Variants in ZNF385D observed in about 807,000 individuals in gnomAD.
ZNF385D encodes zinc finger protein 385D.
ZNF385D carries 15 observed loss-of-function variants against 35.8 expected under a neutral mutation model. That is an observed-to-expected ratio of 0.42 (90% CI 0.28 to 0.64). The LOEUF (loss-of-function observed/expected upper bound fraction) is 0.64, where lower values mean the gene tolerates loss of function less well. ZNF385D is among the 30% of genes least tolerant of loss of function. ZNF385D has a pLI of 0.23. For synonymous variants in ZNF385D, 212 were observed against 186.8 expected, an observed-to-expected ratio of 1.13 and a Z score of -1.10; for missense variants, 474 against 494.6, an observed-to-expected ratio of 0.96 and a Z score of 0.39.
At chr3:22,036,301 T>C (rs1474937961) in intron 3 of ZNF385D, among the ~76,000 whole-genome samples, 1 of 152,152 alleles carries the variant, frequency 6.6e-6, no homozygotes, top group Non-Finnish European at 1.5e-5. Flanking sequence ...ATCAACCAAA[T>C]ATATATTTTA....
chr3:21,541,505 A>G (rs2062175711), intron 3 of ZNF385D, among the ~76,000 whole-genome samples: 1 of 152,132 alleles, frequency 6.6e-6, no homozygotes. Context: ...AGACAACAAC[A>G]AATAGCAACT....
chr3:21,521,945 G>GT (rs1478044542), intron 3 of ZNF385D, among the ~76,000 whole-genome samples: 1 of 152,106 alleles, frequency 6.6e-6, no homozygotes, highest in African/African-American at 2.4e-5. Flanking sequence ...ACCAAATTCA[G>GT]TAAGATAAAT....
intron 5 of ZNF385D, among the ~76,000 whole-genome samples, chr3:21,429,926 T>C (rs1701214225): frequency 6.6e-6 from 1 of 151,982 alleles, no homozygotes; most frequent in African/African-American, 2.4e-5. Context: ...GCAAAGCTGT[T>C]TTTTTTTGCT....
At chr3:21,752,815 T>C (rs111653665), upstream of ZNF385D, among the ~76,000 whole-genome samples, 786 of 152,128 alleles carry the variant, frequency 5.2e-3, 4 homozygotes, top group African/African-American at 0.017. Flanking sequence ...TTGAAGAAAA[T>C]GCGTAAATGT....
chr3:21,658,697 G>A (rs936578680), intron 2 of ZNF385D, among the ~76,000 whole-genome samples: 6 of 151,876 alleles, frequency 4.0e-5, no homozygotes, highest in African/African-American at 1.5e-4. Context: ...ATATGCATAT[G>A]GTATTTATCT....
At chr3:21,801,715 T>G (rs1287919097) in intron 3 of ZNF385D, among the ~76,000 whole-genome samples, 1 of 152,132 alleles carries the variant, frequency 6.6e-6, no homozygotes, top group Non-Finnish European at 1.5e-5. Context: ...AGCCCCTGGG[T>G]GCCCACAGAA....
At chr3:21,696,957 G>T (rs1007815625) in intron 1 of ZNF385D, among the ~76,000 whole-genome samples, 3 of 152,144 alleles carry the variant, frequency 2.0e-5, no homozygotes, top group Admixed American at 6.5e-5. Flanking sequence ...TAAAAGAAAG[G>T]AAAACTACAA....
At chr3:21,839,872 T>C (rs558278834) in intron 3 of ZNF385D, among the ~76,000 whole-genome samples, 1 of 151,882 alleles carries the variant, frequency 6.6e-6, no homozygotes, top group African/African-American at 2.4e-5. Context: ...ACTGGAGGGG[T>C]CAGAAATTGC....
At chr3:22,133,964 A>G (rs1004429190) in intron 3 of ZNF385D, 2 of 152,124 alleles carry the variant, frequency 1.3e-5, no homozygotes, top group Non-Finnish European at 2.9e-5. Context: ...AGTGGTCCAT[A>G]TAAGAAACTG....
intron 3 of ZNF385D, among the ~76,000 whole-genome samples, chr3:22,095,114 G>C (rs997135869): frequency 1.7e-4 from 1 of 5,818 alleles, no homozygotes; most frequent in South Asian, 1.9e-3. Context: ...TTGTAGAGAT[G>C]GGGGGTCTCA....
In ZNF385D at chr3:22,019,034, C is replaced by CTTTTTTTTTTTTT. The variant is rs11380195; in HGVS notation, c.325+149770_325+149782dup. Among the ~76,000 whole-genome samples the CTTTTTTTTTTTTT allele has an allele frequency of 5.0e-4, 32 of 64,466 alleles. 2 individuals are homozygous for CTTTTTTTTTTTTT. The highest frequency in any genetic ancestry group is 1.4e-3 in the South Asian group (2 of 1,454). 42.3% of individuals were successfully genotyped at this position (64,466 alleles called of 152,430 possible). A position where few individuals can be genotyped will look rare whatever the true frequency, so the allele number is the denominator to read the frequency against. The stretch of plus-strand genomic sequence containing the variant: ...CAGTTTCATGGATAGAGTTATTTAC[C>CTTTTTTTTTTTTT]TTTTTTTTTTTTTTTTTTTTTTTTT... On this transcript the variant is annotated intron_variant, in intron 3 of 5. Transcript: ENST00000494108.
At chr3:22,086,688 G>A (rs1701063340) in intron 3 of ZNF385D, among the ~76,000 whole-genome samples, 2 of 152,100 alleles carry the variant, frequency 1.3e-5, no homozygotes, top group South Asian at 2.1e-4. Flanking sequence ...CAACCCAAAT[G>A]TCCATCAATG....
rs566015378 is a variant in ZNF385D, at chr3:21,774,086, GC to G, written c.326-109059del. 4.8e-3 allele frequency among the ~76,000 whole-genome samples: 724 copies of G among 152,112 alleles called. 5 individuals carry two copies. Among genetic ancestry groups the G allele is most frequent in the African/African-American group, 0.017 (698 of 41,528 alleles). On this transcript the variant is annotated intron_variant, in intron 3 of 5. Transcript: ENST00000494108. ...CATATACACCATGGAATACTATACA[GC>G]CTTAAAAAGGAACAAGATAATGTCC...
At chr3:21,912,546 T>C (rs543041723) in intron 3 of ZNF385D, among the ~76,000 whole-genome samples, 1 of 152,108 alleles carries the variant, frequency 6.6e-6, no homozygotes, top group African/African-American at 2.4e-5. Flanking sequence ...AGGCATTGTG[T>C]GCCATTCGAA....
intron 3 of ZNF385D, among the ~76,000 whole-genome samples, chr3:21,515,348 T>G (rs1425603255): frequency 6.6e-6 from 1 of 152,226 alleles, no homozygotes; most frequent in Non-Finnish European, 1.5e-5. Flanking sequence ...TGTCTTATGC[T>G]TTTTAAAAAC....
At chr3:22,123,488 A>G (rs1222158863) in intron 3 of ZNF385D, among the ~76,000 whole-genome samples, 6 of 152,174 alleles carry the variant, frequency 3.9e-5, no homozygotes, top group Non-Finnish European at 7.4e-5. Flanking sequence ...TCAAGCATTT[A>G]TCATTTCTTT....
At position 21,751,027 on chromosome 3, in the gene ZNF385D, G is replaced by A. The variant is rs1179442176; in HGVS notation, c.-111C>T. 2.5e-6 allele frequency: 4 copies of A among 1,590,230 alleles called. No homozygotes were observed. The highest frequency in any genetic ancestry group is 3.4e-6 in the Non-Finnish European group (4 of 1,168,350). ...TACATTCGGTGGAAATGTCCCCGGC[G>A]TGGAGAGCAGTGAGCGCCGAGAGCG... On this transcript the variant is annotated 5_prime_UTR_variant, in exon 1 of 8. It adds an upstream start codon to the 5' untranslated region. Coordinates refer to ENST00000281523, the MANE Select transcript of ZNF385D (RefSeq NM_024697.3).
At chr3:21,805,795 A>G (rs372190553) in intron 3 of ZNF385D, among the ~76,000 whole-genome samples, 1 of 152,300 alleles carries the variant, frequency 6.6e-6, no homozygotes, top group Non-Finnish European at 1.5e-5. Flanking sequence ...GTCATAATGC[A>G]ATCCTAGTGA....
intron 1 of ZNF385D, among the ~76,000 whole-genome samples, chr3:21,690,574 G>T (rs1392810352): frequency 6.6e-6 from 1 of 152,034 alleles, no homozygotes; most frequent in Non-Finnish European, 1.5e-5. Context: ...TGACAATGTT[G>T]GCATCTAAAC....
Sources: allele counts gnomAD v4.1 joint callset (sites outside exome capture counted in the v4.1 genomes callset), GRCh38; gene constraint gnomAD v4.1.1; transcripts MANE v1.5; gene names NCBI Gene and HGNC (gene_info 2026-07-23, HGNC 2026-07-21).